DLG2: variants seen among roughly 807,000 people sequenced by gnomAD.
DLG2 encodes the protein disks large homolog 2.
Under a neutral mutation model 132.5 loss-of-function variants are expected in DLG2, and 45 were observed. That is an observed-to-expected ratio of 0.34 (90% CI 0.27 to 0.44). DLG2 has a LOEUF of 0.44. Ranked by LOEUF, DLG2 falls within the 20% of genes least tolerant of loss-of-function variation. The pLI, the probability that DLG2 is intolerant of heterozygous loss-of-function variation, is 1.00. For synonymous variants in DLG2, 424 were observed against 419.6 expected (o/e 1.01, Z -0.13); for missense variants, 1,045 against 1,196.9 (o/e 0.87, Z 1.87).
intron 15 of DLG2, among the ~76,000 whole-genome samples, chr11:83,922,238 G>T (rs547284431): frequency 9.9e-4 from 151 of 152,198 alleles, no homozygotes; most frequent in Middle Eastern, 6.8e-3. Context: ...AAAATCAAGG[G>T]GTATTTCTTT....
chr11:84,785,353 A>C (rs566144144), intron 6 of DLG2, among the ~76,000 whole-genome samples: 2 of 152,218 alleles, frequency 1.3e-5, no homozygotes, highest in South Asian at 2.1e-4. Context: ...ATTGGAAGTT[A>C]AATCTAGATT....
At chr11:84,385,693 G>C (rs1242913960) in intron 7 of DLG2, among the ~76,000 whole-genome samples, 1 of 152,014 alleles carries the variant, frequency 6.6e-6, no homozygotes, top group African/African-American at 2.4e-5. Flanking sequence ...GAGTGATACT[G>C]ATCAAATAAT....
chr11:85,243,515 C>G (rs929728588), intron 4 of DLG2, among the ~76,000 whole-genome samples: 9 of 151,928 alleles, frequency 5.9e-5, no homozygotes, highest in Non-Finnish European at 1.3e-4. Flanking sequence ...TTTTTCATGG[C>G]ACCCTATAGC....
intron 6 of DLG2, among the ~76,000 whole-genome samples, chr11:84,635,424 T>C (rs2099639006): frequency 6.6e-6 from 1 of 152,042 alleles, no homozygotes; most frequent in African/African-American, 2.4e-5. Context: ...ACGTGAAAAA[T>C]ATACAGGCGT....
intron 7 of DLG2, among the ~76,000 whole-genome samples, chr11:84,402,027 G>A (rs144070897): frequency 3.4e-4 from 52 of 152,270 alleles, no homozygotes; most frequent in Admixed American, 9.8e-4. Context: ...TGTTTTTAAT[G>A]TCAAAAATGA....
intron 2 of DLG2, among the ~76,000 whole-genome samples, chr11:85,610,474 T>C (rs2080910781): frequency 6.6e-6 from 1 of 152,212 alleles, no homozygotes. Flanking sequence ...CAGTTTCTCT[T>C]TGCCTGTGAG....
intron 8 of DLG2, among the ~76,000 whole-genome samples, chr11:84,179,105 A>G (rs1188082246): frequency 1.3e-5 from 2 of 152,184 alleles, no homozygotes; most frequent in African/African-American, 4.8e-5. Flanking sequence ...CCATTTAAAA[A>G]AATTAAAGTA....
intron 4 of DLG2, among the ~76,000 whole-genome samples, chr11:85,253,139 T>C (rs184672348): frequency 7.2e-5 from 11 of 152,346 alleles, no homozygotes; most frequent in Non-Finnish European, 1.2e-4. Flanking sequence ...GCATAGCATA[T>C]ACATGATTTC....
At chr11:84,526,148 A>C (rs2099319894) in intron 7 of DLG2, among the ~76,000 whole-genome samples, 3 of 152,190 alleles carry the variant, frequency 2.0e-5, no homozygotes, top group Admixed American at 2.0e-4. Context: ...TGTCTGGGAA[A>C]TACTTTGTAC....
chr11:83,569,785 G>T (rs1201076290), intron 19 of DLG2, among the ~76,000 whole-genome samples: 2 of 152,212 alleles, frequency 1.3e-5, no homozygotes, highest in African/African-American at 4.8e-5. Flanking sequence ...AACAAAGCAG[G>T]GTATTAGGAA....
chr11:85,021,630 CT>C, intron 6 of DLG2: 4 of 1,278,288 alleles, frequency 3.1e-6, no homozygotes, highest in Non-Finnish European at 4.6e-6. Flanking sequence ...GAGGATCTGT[CT>C]TGTTGGTAAC....
At chr11:83,792,254 T>C (rs2041778011) in intron 17 of DLG2, among the ~76,000 whole-genome samples, 1 of 152,224 alleles carries the variant, frequency 6.6e-6, no homozygotes, top group South Asian at 2.1e-4. Context: ...AAAGGGTATA[T>C]GCATTACTTG....
At chr11:83,884,631 C>A (rs1290333674) in intron 15 of DLG2, among the ~76,000 whole-genome samples, 3 of 152,212 alleles carry the variant, frequency 2.0e-5, no homozygotes, top group Non-Finnish European at 4.4e-5. Flanking sequence ...TGAGGACGGG[C>A]AGACTGCCTC....
intron 16 of DLG2, among the ~76,000 whole-genome samples, chr11:83,842,162 A>T (rs1339547295): frequency 6.6e-6 from 1 of 152,222 alleles, no homozygotes; most frequent in Non-Finnish European, 1.5e-5. Context: ...GCAAGCTGTG[A>T]CAGATCATCA....
intron 7 of DLG2, among the ~76,000 whole-genome samples, chr11:84,492,891 C>T (rs1234959848): frequency 2.0e-5 from 3 of 151,980 alleles, no homozygotes; most frequent in African/African-American, 7.3e-5. Flanking sequence ...ATATAATTCC[C>T]AGGGGATACC....
rs559749134 is a variant in DLG2 at position 84,789,757 on chromosome 11, T to C, written c.358-255026A>G. On this transcript the variant is annotated intron_variant, in intron 6 of 27. Coordinates refer to ENST00000376104, the MANE Select transcript of DLG2 (RefSeq NM_001142699.3). The stretch of plus-strand genomic sequence containing the variant: ...CCTTCCCAGTCTCTGGTAACTATCC[T>C]TCTAATCTCAATTGAATTTAAACAG... Among the ~76,000 whole-genome samples, 43 of 152,232 alleles carry C rather than the reference T, an allele frequency of 2.8e-4. 1 individual carries two copies. The South Asian group carries it at 8.3e-3, about 29-fold the overall frequency.
intron 6 of DLG2, among the ~76,000 whole-genome samples, chr11:84,982,544 C>A (rs1030403241): frequency 6.6e-6 from 1 of 152,000 alleles, no homozygotes; most frequent in Non-Finnish European, 1.5e-5. Flanking sequence ...TCCCAACTAC[C>A]TTTTAGTACA....
intron 18 of DLG2, among the ~76,000 whole-genome samples, chr11:83,723,961 C>G (rs951646159): frequency 1.3e-5 from 2 of 152,152 alleles, no homozygotes; most frequent in Non-Finnish European, 2.9e-5. Context: ...TTCAGCTAAC[C>G]ATGAGAGAGC....
At chr11:85,038,778 G>T (rs1337894464) in intron 6 of DLG2, among the ~76,000 whole-genome samples, 3 of 152,104 alleles carry the variant, frequency 2.0e-5, no homozygotes, top group South Asian at 2.1e-4. Context: ...TTGAATGAAG[G>T]CTGTAGCATC....
Sources: gnomAD v4.1 joint callset for allele counts (sites outside exome capture counted in the v4.1 genomes callset) on GRCh38, gnomAD v4.1.1 for gene constraint, MANE v1.5 for transcripts, NCBI Gene and HGNC (gene_info 2026-07-23, HGNC 2026-07-21) for gene names.